The following METTL21A variants were observed in gnomAD, a reference collection of about 807,000 sequenced individuals.
METTL21A encodes the protein methyltransferase 21A, HSPA lysine, also known as protein N-lysine methyltransferase METTL21A.
A neutral mutation model predicts 20.9 loss-of-function variants in METTL21A; 22 were observed. The observed-to-expected ratio is 1.05, with a 90% CI of 0.75 to 1.50. The LOEUF (loss-of-function observed/expected upper bound fraction) is 1.50. Among genes scored for constraint, METTL21A ranks in the 40% most tolerant of loss-of-function variants. METTL21A has a pLI of 0.00. For synonymous variants in METTL21A, 93 were observed against 102.0 expected (o/e 0.91, Z 0.53); for missense variants, 271 against 266.8 (o/e 1.02, Z -0.11).
At chr2:207,583,092 A>G (rs2083229604) in intron 3 of METTL21A, among the ~76,000 whole-genome samples, 1 of 152,138 alleles carries the variant, frequency 6.6e-6, no homozygotes, top group Non-Finnish European at 1.5e-5. Context: ...TATAACAACT[A>G]TTTACATAGT....
At chr2:207,601,585 A>G (rs2087061216) in intron 3 of METTL21A, 2 of 206,060 alleles carry the variant, frequency 9.7e-6, no homozygotes, top group African/African-American at 2.3e-5. Context: ...CTTTATCCTC[A>G]TCACAACATT....
chr2:207,596,551 A>C (rs951495893), intron 3 of METTL21A, among the ~76,000 whole-genome samples: 1 of 152,226 alleles, frequency 6.6e-6, no homozygotes, highest in African/African-American at 2.4e-5. Flanking sequence ...CCCATGGCTC[A>C]GCCTTCCAAG....
chr2:207,602,526 T>G, intron 3 of METTL21A: 1 of 209,784 alleles, frequency 4.8e-6, no homozygotes, highest in East Asian at 7.2e-5. Context: ...AGCTTTTGTC[T>G]GAGGAGCATC....
chr2:207,604,444 A>G (rs2087707571), downstream of METTL21A, among the ~76,000 whole-genome samples: 1 of 151,040 alleles, frequency 6.6e-6, no homozygotes. Context: ...CACTACCTTA[A>G]TCAGTGTTAT....
chr2:207,584,627 C>G (rs2083491406), intron 3 of METTL21A, among the ~76,000 whole-genome samples: 1 of 152,178 alleles, frequency 6.6e-6, no homozygotes, highest in Admixed American at 6.5e-5. Context: ...GTTTTGAACT[C>G]CTGACCTCAG....
chr2:207,596,909 T>C, intron 3 of METTL21A: 2 of 1,602,482 alleles, frequency 1.2e-6, no homozygotes. Flanking sequence ...CTCTTTTGCT[T>C]GTAGGGAAGC....
chr2:207,581,899 T>A (rs1443810657), exon 4 of METTL21A: 2 of 703,026 alleles, frequency 2.8e-6, no homozygotes, highest in South Asian at 3.0e-5. Flanking sequence ...AGAGTAGTGA[T>A]CTGTTTTCTT....
chr2:207,580,817 C>T, downstream of METTL21A: 1 of 222,622 alleles, frequency 4.5e-6, no homozygotes, highest in Non-Finnish European at 9.0e-6. Flanking sequence ...CTGTGGCTCT[C>T]CTTCATGTGC....
At chr2:207,609,215 A>G (rs2088576662), downstream of METTL21A, 1 of 152,260 alleles carries the variant, frequency 6.6e-6, no homozygotes. Context: ...TTCAAAAGGA[A>G]GAGAACGTCC....
intron 3 of METTL21A, chr2:207,620,720 T>C: frequency 6.5e-7 from 1 of 1,529,848 alleles, no homozygotes; most frequent in Non-Finnish European, 8.7e-7. Flanking sequence ...GACGGAAACC[T>C]CTGTCAATTT....
At chr2:207,584,514 G>A (rs1346393922) in intron 3 of METTL21A, among the ~76,000 whole-genome samples, 3 of 151,866 alleles carry the variant, frequency 2.0e-5, no homozygotes, top group East Asian at 3.9e-4. Context: ...AGAGATTCTC[G>A]TGCCTCAGCC....
At chr2:207,617,463 AG>A (rs1483472768) in intron 3 of METTL21A, among the ~76,000 whole-genome samples, 1 of 152,238 alleles carries the variant, frequency 6.6e-6, no homozygotes, top group Non-Finnish European at 1.5e-5. Flanking sequence ...GTGTGAAGAA[AG>A]GGCATCCAAG....
At chr2:207,597,890 A>G (rs1487621007) in intron 3 of METTL21A, 1 of 188,748 alleles carries the variant, frequency 5.3e-6, no homozygotes, top group African/African-American at 2.3e-5. Context: ...AATGCTGATC[A>G]GTAAACCAAT....
downstream of METTL21A, among the ~76,000 whole-genome samples, chr2:207,607,368 G>A (rs1359144993): frequency 6.6e-6 from 1 of 151,456 alleles, no homozygotes; most frequent in East Asian, 1.9e-4. Flanking sequence ...TCCACCCTGG[G>A]TAACAAGCAA....
downstream of METTL21A, among the ~76,000 whole-genome samples, chr2:207,608,476 C>T (rs1409124842): frequency 6.6e-6 from 1 of 152,010 alleles, no homozygotes. Flanking sequence ...AAGCTGCCTT[C>T]AAATTTTTCT....
chr2:207,621,284 T>C (rs2090445086), intron 3 of METTL21A, among the ~76,000 whole-genome samples: 1 of 152,256 alleles, frequency 6.6e-6, no homozygotes, highest in African/African-American at 2.4e-5. Flanking sequence ...CAGAACTGTA[T>C]ACTGTTCATA....
chr2:207,591,735 C>T (rs1352918461), intron 3 of METTL21A, among the ~76,000 whole-genome samples: 2 of 152,020 alleles, frequency 1.3e-5, no homozygotes, highest in Non-Finnish European at 2.9e-5. Context: ...TCCCAGCCTC[C>T]TTTTGATTAG....
chr2:207,593,695 A>G (rs1030896192), intron 3 of METTL21A, among the ~76,000 whole-genome samples: 1 of 150,012 alleles, frequency 6.7e-6, no homozygotes, highest in Non-Finnish European at 1.5e-5. Flanking sequence ...CTTTACATAT[A>G]TTAACTCATT....
At chr2:207,620,483 A>AAAATG in intron 3 of METTL21A, 1 of 156,070 alleles carries the variant, frequency 6.4e-6, no homozygotes, top group African/African-American at 2.4e-5. Flanking sequence ...AAAATAAAAT[A>AAAATG]AAACAACTAA....
Sources: allele counts gnomAD v4.1 joint callset (sites outside exome capture counted in the v4.1 genomes callset), GRCh38; gene constraint gnomAD v4.1.1; transcripts MANE v1.5; gene names NCBI Gene and HGNC (gene_info 2026-07-23, HGNC 2026-07-21).